Variants in BRD1 observed in about 807,000 individuals in gnomAD.
BRD1 encodes the protein bromodomain-containing protein 1.
In BRD1, 24 loss-of-function variants were observed where a neutral mutation model predicts 107.7. That is an observed-to-expected ratio of 0.22 (90% CI 0.16 to 0.31). The LOEUF is 0.31. Ranked by LOEUF, BRD1 falls within the 10% of genes least tolerant of loss-of-function variation. The pLI, the probability that BRD1 is intolerant of heterozygous loss-of-function variation, is 1.00. For synonymous variants in BRD1, 744 were observed against 686.1 expected (o/e 1.08, Z -1.32); for missense variants, 1,279 against 1,638.6 (o/e 0.78, Z 3.79).
chr22:49,774,223 G>A lies in BRD1; in HGVS notation c.*10C>T, dbSNP rs371502917. 3.0e-4 allele frequency: 483 copies of A among 1,610,604 alleles called. No individual in the cohort carries two copies. Among genetic ancestry groups the A allele is most frequent in the Non-Finnish European group, 3.9e-4 (463 of 1,177,888 alleles). The stretch of plus-strand genomic sequence containing the variant: ...CACTATGGACAAGACCCGCGCTGGC[G>A]GCCGGGCCGTCAGTCAATGTCACTG... On this transcript the variant is annotated 3_prime_UTR_variant, in exon 13 of 13. Transcript: ENST00000404760.
chr22:49,785,418 A>G (rs1421376417), intron 8 of BRD1, among the ~76,000 whole-genome samples: 2 of 152,250 alleles, frequency 1.3e-5, no homozygotes, highest in Admixed American at 1.3e-4. Context: ...CCGAACTCCA[A>G]GTTCTGCATG....
chr22:49,807,423 T>C (rs577234172), intron 2 of BRD1, among the ~76,000 whole-genome samples: 9 of 152,250 alleles, frequency 5.9e-5, no homozygotes, highest in Admixed American at 3.3e-4. Context: ...GACACACATA[T>C]AGACCATGGG....
chr22:49,825,280 G>C (rs1339522076), intron 1 of BRD1, among the ~76,000 whole-genome samples: 1 of 152,096 alleles, frequency 6.6e-6, no homozygotes, highest in African/African-American at 2.4e-5. Context: ...CACAGCGAGG[G>C]GTGACCCCCA....
At chr22:49,774,668 C>T (rs547778009) in intron 12 of BRD1, among the ~76,000 whole-genome samples, 15 of 152,346 alleles carry the variant, frequency 9.8e-5, no homozygotes, top group Admixed American at 3.9e-4. Flanking sequence ...ACCTCCAAAA[C>T]GTTTCCCAGT....
rs149992689 is a variant in BRD1, at chr22:49,818,925, G to A, written c.1367+4026C>T. On this transcript the variant is annotated intron_variant, in intron 2 of 12. Transcript: ENST00000404760. The stretch of plus-strand genomic sequence containing the variant: ...ATTCTATACAGGTGCAACTCAATCC[G>A]TTAATAAAAACTGATGTATGCTGGA... Among the ~76,000 whole-genome samples the A allele has an allele frequency of 8.0e-4, 122 of 152,060 alleles. 1 individual carries two copies. The East Asian group carries it at 0.022, about 27-fold the overall frequency.
Position 49,787,706 on chromosome 22 carries a change from T to TA in BRD1, c.2540dup (p.Ser848LysfsTer12). 1 of 1,550,796 alleles carries TA rather than the reference T, an allele frequency of 6.4e-7. No individual in the cohort carries two copies. The highest frequency in any genetic ancestry group is 8.7e-7 in the Non-Finnish European group (1 of 1,147,036). On this transcript the variant is annotated frameshift_variant, in exon 8 of 13. Transcript: ENST00000404760. LOFTEE classifies it high-confidence loss of function. ...GGGTGGGCTCTGGAGGGCGTCCGCT[T>TA]ACCAGTGCGCTCTGAGTGCAAGCGC... is the stretch of plus-strand genomic sequence containing the variant.
chr22:49,826,096 G>A (rs1053229405), intron 1 of BRD1: 1 of 899,094 alleles, frequency 1.1e-6, no homozygotes, highest in African/African-American at 1.8e-5. Flanking sequence ...GTGCACCCGG[G>A]ACGCCGACAC....
At chr22:49,800,585 C>G (rs111621272) in intron 3 of BRD1, among the ~76,000 whole-genome samples, 1 of 152,182 alleles carries the variant, frequency 6.6e-6, no homozygotes. Flanking sequence ...AGCCCTTTAT[C>G]ACGCACTGGC....
chr22:49,824,677 C>T lies in BRD1; in HGVS notation c.-14-346G>A, dbSNP rs2060127411. ...GAGGAGGGGTCCGGCCCAGAGCCCA[C>T]AGTTGCAGGACTTTCCCAGCATGCA... On this transcript the variant is annotated intron_variant, in intron 1 of 12. Transcript: ENST00000404760. This position sits in a 1 kb window ranked among gnomAD's most constrained non-coding sequence, Gnocchi z 5.9. 9.0e-7 allele frequency: 1 copy of T among 1,108,146 alleles called. No homozygotes were observed. The highest frequency in any genetic ancestry group is 1.1e-6 in the Non-Finnish European group (1 of 904,298). The allele number at this position is 1,108,146 out of a possible 1,614,324, so 68.6% of individuals were successfully genotyped here. A position where few individuals can be genotyped will look rare whatever the true frequency, so the allele number is the denominator to read the frequency against.
intron 9 of BRD1, among the ~76,000 whole-genome samples, chr22:49,777,465 A>T (rs542801103): frequency 6.6e-6 from 1 of 152,338 alleles, no homozygotes; most frequent in South Asian, 2.1e-4. Context: ...TATTTCACGC[A>T]GTGTTTTTCC....
intron 1 of BRD1, among the ~76,000 whole-genome samples, chr22:49,825,296 C>T (rs2060134828): frequency 6.6e-6 from 1 of 152,136 alleles, no homozygotes; most frequent in South Asian, 2.1e-4. Context: ...CCCCAGGAAC[C>T]CCTCGCTGCT....
chr22:49,787,624 T>C lies in BRD1; in HGVS notation c.2623A>G (p.Ser875Gly). 1.3e-6 allele frequency: 2 copies of C among 1,551,230 alleles called. No individual in the cohort carries two copies. The highest frequency in any genetic ancestry group is 1.7e-6 in the Non-Finnish European group (2 of 1,147,212). The change falls in exon 8 of 13, where the codon AGC becomes GGC. Residue 875 changes from serine to glycine, a missense_variant. Ser to Gly is a moderately conservative substitution (Grantham distance 56, BLOSUM62 0). Around this residue, in one of 7 missense-constraint regions of BRD1, gnomAD observed 263 missense variants for 251.6 expected, o/e 1.05. Transcript: ENST00000404760. The stretch of plus-strand genomic sequence containing the variant: ...ACAGAAGTGCGTCTGTTTACATCGC[T>C]TGCTGGCTCCGCCACCGCGGAGGCC... Reference protein sequence around the residue: ...AAASAVAEPASDVNRRTSVLF... With the variant: ...AAASAVAEPAGDVNRRTSVLF...
intron 12 of BRD1, among the ~76,000 whole-genome samples, chr22:49,774,617 G>A (rs2269626): frequency 0.022 from 3,340 of 152,086 alleles, 55 homozygotes; most frequent in South Asian, 0.069. Flanking sequence ...TTGGGGATAC[G>A]GGGAGCTAAG....
At chr22:49,796,793 G>C (rs779731720) in intron 6 of BRD1, among the ~76,000 whole-genome samples, 70 of 152,242 alleles carry the variant, frequency 4.6e-4, no homozygotes, top group Admixed American at 2.2e-3. Context: ...CGATGGCCCA[G>C]CTTGGTTGAA....
chr22:49,812,938 A>G (rs1601716573), intron 2 of BRD1, among the ~76,000 whole-genome samples: 1 of 152,210 alleles, frequency 6.6e-6, no homozygotes, highest in East Asian at 1.9e-4. Flanking sequence ...GTGCCCTCCC[A>G]ACCGCAGACT....
rs1026114193 is a variant in BRD1 at position 49,815,343 on chromosome 22, G to A, written c.1367+7608C>T. Among the ~76,000 whole-genome samples the A allele has an allele frequency of 8.5e-5, 13 of 152,252 alleles. 1 individual carries two copies. The highest frequency in any genetic ancestry group is 2.0e-4 in the Admixed American group (3 of 15,296). ...TACCTTAGGTCAGTCAGGAGTTCGA[G>A]ACCAGCCTGGCCAACGTGACGAAAC... On this transcript the variant is annotated intron_variant, in intron 2 of 12. Coordinates refer to ENST00000404760, the MANE Select transcript of BRD1 (RefSeq NM_001304808.3).
In BRD1 at chr22:49,796,359, TTTC is replaced by T. The variant is rs548449492; in HGVS notation, c.2098+1443_2098+1445del. Among the ~76,000 whole-genome samples, 364 of 122,974 alleles carry T rather than the reference TTTC, an allele frequency of 3.0e-3. 1 individual carries two copies. Among genetic ancestry groups the T allele is most frequent in the Non-Finnish European group, 5.2e-3 (303 of 57,766 alleles). 80.7% of individuals were successfully genotyped at this position (122,974 alleles called of 152,430 possible). On this transcript the variant is annotated intron_variant, in intron 6 of 12. Transcript: ENST00000404760. ...TCCACCCGCCTCGGCCTCTCTCTTT[TTTC>T]TTTTTTTTTTTGGAGATAGGGTCTC... is the stretch of plus-strand genomic sequence containing the variant.
In BRD1 at chr22:49,823,572, G is replaced by C; in HGVS notation, c.746C>G (p.Pro249Arg). Residue 249 changes from proline to arginine, a missense_variant, in exon 2 of 13, where the codon CCC becomes CGC. Physicochemically the swap from Pro to Arg is moderately radical, Grantham distance 103 (BLOSUM62 -2). Coordinates refer to ENST00000404760, the MANE Select transcript of BRD1 (RefSeq NM_001304808.3). ...LAVHQECYGV[P>R]YIPEGQWLCR... ...GAGCCACTGGCCCTCGGGGATGTAG[G>C]GCACCCCGTAGCACTCCTGGTGCAC... 2 of 1,604,164 alleles carry C rather than the reference G, an allele frequency of 1.2e-6. No individual in the cohort carries two copies. The highest frequency in any genetic ancestry group is 1.7e-6 in the Non-Finnish European group (2 of 1,174,176).
rs897964083 is a variant in BRD1 at position 49,783,108 on chromosome 22, G to A, written c.2857+4282C>T. On this transcript the variant is annotated intron_variant, in intron 8 of 12. Transcript: ENST00000404760. This position sits in a 1 kb window ranked among gnomAD's most constrained non-coding sequence, Gnocchi z 4.2. ...GACAGAACCAAGGCCCAGGCCAGACGCCTGCACGAGACCTGCTCTTGCTGG... is the reference window on the plus strand; with the variant it reads ...GACAGAACCAAGGCCCAGGCCAGACACCTGCACGAGACCTGCTCTTGCTGG... 1.3e-5 allele frequency among the ~76,000 whole-genome samples: 2 copies of A among 150,874 alleles called. No homozygotes were observed. Among genetic ancestry groups the A allele is most frequent in the Non-Finnish European group, 1.5e-5 (1 of 67,850 alleles).
Sources: gnomAD v4.1 joint callset for allele counts (sites outside exome capture counted in the v4.1 genomes callset) on GRCh38, gnomAD v4.1.1 for gene constraint, gnomAD v4.1.1 regional missense constraint, Gnocchi (gnomAD v3.1) non-coding constraint, MANE v1.5 for transcripts, NCBI Gene and HGNC (gene_info 2026-07-23, HGNC 2026-07-21) for gene names.